The following EEFSEC variants were observed in gnomAD, a reference collection of about 807,000 sequenced individuals.
EEFSEC encodes eukaryotic elongation factor, selenocysteine-tRNA specific.
In EEFSEC, 43 loss-of-function variants were observed where a neutral mutation model predicts 42.1. The ratio of observed to expected loss-of-function variants is 1.02; its 90% CI spans 0.80 to 1.32. The LOEUF (loss-of-function observed/expected upper bound fraction) is 1.32, where lower values mean the gene tolerates loss of function less well. EEFSEC is among the 40% of genes most tolerant of loss of function. The pLI is 0.00. For missense variants in EEFSEC, 745 were observed against 803.6 expected (o/e 0.93, Z 0.88); for synonymous variants, 354 against 339.1 (o/e 1.04, Z -0.48).
At chr3:128,300,432 A>G (rs2066754308) in intron 4 of EEFSEC, among the ~76,000 whole-genome samples, 1 of 151,874 alleles carries the variant, frequency 6.6e-6, no homozygotes, top group South Asian at 2.1e-4. Flanking sequence ...GTCTCTACTA[A>G]AAATACAAAA....
chr3:128,382,064 G>C (rs1457336115), intron 6 of EEFSEC, among the ~76,000 whole-genome samples: 1 of 152,194 alleles, frequency 6.6e-6, no homozygotes, highest in Non-Finnish European at 1.5e-5. Flanking sequence ...CCCCAGGCAA[G>C]GCCCTCTCCT....
chr3:128,237,343 A>C (rs534625352), intron 1 of EEFSEC, among the ~76,000 whole-genome samples: 3 of 152,094 alleles, frequency 2.0e-5, no homozygotes, highest in African/African-American at 7.2e-5. Context: ...AGATTATAAA[A>C]AATTTTTTTC....
chr3:128,329,822 T>C (rs1204611396), intron 4 of EEFSEC, among the ~76,000 whole-genome samples: 2 of 152,242 alleles, frequency 1.3e-5, no homozygotes, highest in East Asian at 3.9e-4. Flanking sequence ...TGGGCTTTCA[T>C]AAACCTGGCT....
At chr3:128,257,459 C>T (rs989240600) in intron 2 of EEFSEC, among the ~76,000 whole-genome samples, 2 of 152,180 alleles carry the variant, frequency 1.3e-5, no homozygotes, top group African/African-American at 4.8e-5. Flanking sequence ...TCCAAGTCAC[C>T]TTTCATCTAT....
At chr3:128,331,088 C>G (rs1424583710) in intron 4 of EEFSEC, among the ~76,000 whole-genome samples, 1 of 30,686 alleles carries the variant, frequency 3.3e-5, no homozygotes, top group African/African-American at 1.5e-4. Context: ...CTCCCCTCTT[C>G]CCCCTTCCTC....
chr3:128,311,866 G>A (rs2066893719), intron 4 of EEFSEC, among the ~76,000 whole-genome samples: 1 of 152,150 alleles, frequency 6.6e-6, no homozygotes, highest in African/African-American at 2.4e-5. Flanking sequence ...CTTCCTGGGA[G>A]CTGCATCTGT....
At chr3:128,411,275 A>G (rs1326326082), downstream of EEFSEC, among the ~76,000 whole-genome samples, 1 of 152,162 alleles carries the variant, frequency 6.6e-6, no homozygotes, top group Non-Finnish European at 1.5e-5. Context: ...TGTTTTATGT[A>G]GGAGAGGGTT....
At position 128,261,146 on chromosome 3, in the gene EEFSEC, G is replaced by T. The variant is rs189254563; in HGVS notation, c.525-982G>T. Among the ~76,000 whole-genome samples, 231 of 152,342 alleles carry T rather than the reference G, an allele frequency of 1.5e-3. 1 individual carries two copies. Among genetic ancestry groups the T allele is most frequent in the African/African-American group, 5.4e-3 (226 of 41,582 alleles). ...AAAGAACAGGCCCAGGTGGAGAGAA[G>T]TGTGACAAAGAGACTGAGAGCCCTG... On this transcript the variant is annotated intron_variant, in intron 2 of 6. Coordinates refer to ENST00000254730, the MANE Select transcript of EEFSEC (RefSeq NM_021937.5).
At position 128,237,088 on chromosome 3, in the gene EEFSEC, G is replaced by T. The variant is rs571966219; in HGVS notation, c.317-9748G>T. Among the ~76,000 whole-genome samples, 9 of 152,292 alleles carry T rather than the reference G, an allele frequency of 5.9e-5. No individual in the cohort carries two copies. The East Asian group carries it at 7.7e-4, about 13-fold the overall frequency. On this transcript the variant is annotated intron_variant, in intron 1 of 6. Transcript: ENST00000254730. ...AGCTGTTGATACCATTTACATTTTTGATTGGACTGTCGCTCTTTTTAAAAA... is the reference window on the plus strand; with the variant it reads ...AGCTGTTGATACCATTTACATTTTTTATTGGACTGTCGCTCTTTTTAAAAA...
chr3:128,365,365 G>T (rs1324520769), intron 6 of EEFSEC, among the ~76,000 whole-genome samples: 7 of 152,202 alleles, frequency 4.6e-5, no homozygotes, highest in Non-Finnish European at 7.4e-5. Flanking sequence ...TACCTGGAGG[G>T]TCTCCTGGGG....
intron 6 of EEFSEC, among the ~76,000 whole-genome samples, chr3:128,364,235 C>T (rs534990195): frequency 3.3e-5 from 5 of 152,332 alleles, no homozygotes; most frequent in Non-Finnish European, 7.3e-5. Flanking sequence ...TGAGATCCTT[C>T]TCAGAGTCCT....
intron 4 of EEFSEC, among the ~76,000 whole-genome samples, chr3:128,280,446 C>T (rs2066514116): frequency 6.6e-6 from 1 of 152,228 alleles, no homozygotes; most frequent in South Asian, 2.1e-4. Flanking sequence ...TCGGCTTTGG[C>T]CTGGAAAGTC....
chr3:128,238,389 T>C (rs2999079), intron 1 of EEFSEC, among the ~76,000 whole-genome samples: 127,713 of 152,236 alleles, frequency 0.84, 54,049 homozygotes, highest in East Asian at 0.99. Context: ...TTCTAACAGG[T>C]ACTGCACAGG....
At chr3:128,385,209 C>T (rs1241314832) in intron 6 of EEFSEC, among the ~76,000 whole-genome samples, 1 of 152,238 alleles carries the variant, frequency 6.6e-6, no homozygotes, top group Non-Finnish European at 1.5e-5. Context: ...CCAGCAGCTG[C>T]TATAGCTCAG....
chr3:128,378,186 C>G (rs1437238891), intron 6 of EEFSEC, among the ~76,000 whole-genome samples: 1 of 152,238 alleles, frequency 6.6e-6, no homozygotes, highest in Non-Finnish European at 1.5e-5. Context: ...AGAGGCACCT[C>G]TACCAAGATG....
the EEFSEC span, among the ~76,000 whole-genome samples, chr3:128,419,330 C>T: frequency 6.6e-6 from 1 of 152,152 alleles, no homozygotes; most frequent in Non-Finnish European, 1.5e-5. Context: ...GAGTGAAATA[C>T]TCAACAATAG....
chr3:128,204,709 C>A (rs2065674922), intron 1 of EEFSEC, among the ~76,000 whole-genome samples: 1 of 152,124 alleles, frequency 6.6e-6, no homozygotes, highest in Non-Finnish European at 1.5e-5. Context: ...TGTGTTGGTT[C>A]CCTCCTGGGA....
intron 4 of EEFSEC, among the ~76,000 whole-genome samples, chr3:128,310,334 A>G (rs2066876301): frequency 6.6e-6 from 1 of 152,160 alleles, no homozygotes; most frequent in South Asian, 2.1e-4. Flanking sequence ...CCATCTCCGC[A>G]TCTTTCAGCT....
intron 6 of EEFSEC, among the ~76,000 whole-genome samples, chr3:128,366,621 C>G (rs575519905): frequency 1.3e-5 from 2 of 152,338 alleles, no homozygotes; most frequent in East Asian, 3.9e-4. Flanking sequence ...CTGACTTTAG[C>G]TAGCTCTTCT....
Sources: gnomAD v4.1 joint callset for allele counts (sites outside exome capture counted in the v4.1 genomes callset) on GRCh38, gnomAD v4.1.1 for gene constraint, MANE v1.5 for transcripts, NCBI Gene and HGNC (gene_info 2026-07-23, HGNC 2026-07-21) for gene names.